The following FBXO31 variants were observed in gnomAD, a reference collection of about 807,000 sequenced individuals.
FBXO31 encodes the protein F-box only protein 31.
Under a neutral mutation model 54.4 loss-of-function variants are expected in FBXO31, and 24 were observed. The ratio of observed to expected loss-of-function variants is 0.44; its 90% CI spans 0.32 to 0.62. The LOEUF (loss-of-function observed/expected upper bound fraction) is 0.62, where lower values mean the gene tolerates loss of function less well. FBXO31 is among the 20% of genes least tolerant of loss of function. The pLI is 0.05. For synonymous variants in FBXO31, 388 were observed against 335.6 expected (o/e 1.16, Z -1.71); for missense variants, 665 against 787.1 (o/e 0.84, Z 1.86).
chr16:87,384,343 G>A (rs1272917572), upstream of FBXO31: 1 of 152,266 alleles, frequency 6.6e-6, no homozygotes, highest in Non-Finnish European at 1.5e-5. Context: ...GAGCTGCGGA[G>A]CTCTGCAGGG....
chr16:87,387,668 G>A (rs1276989401), upstream of FBXO31, among the ~76,000 whole-genome samples: 3 of 152,190 alleles, frequency 2.0e-5, no homozygotes, highest in Non-Finnish European at 4.4e-5. Context: ...TTAGCTGGGC[G>A]TGTTGGCGGG....
Position 87,333,869 on chromosome 16 carries a change from A to G in FBXO31, c.1397+17T>C. On this transcript the variant is annotated intron_variant, in intron 8 of 8. Coordinates refer to ENST00000311635, the MANE Select transcript of FBXO31 (RefSeq NM_024735.5). ...TGCTGTCCCACCTTCAGGCCCCAGT[A>G]CCCGCCGCATCCTTACCACATCCTG... 6.3e-7 allele frequency: 1 copy of G among 1,577,552 alleles called. No individual in the cohort carries two copies. The highest frequency in any genetic ancestry group is 1.2e-5 in the South Asian group (1 of 86,070).
intron 1 of FBXO31, among the ~76,000 whole-genome samples, chr16:87,360,747 G>C (rs1906095641): frequency 6.6e-6 from 1 of 152,228 alleles, no homozygotes; most frequent in South Asian, 2.1e-4. Context: ...ACTGGTGTTA[G>C]GGTTCAGACA....
intron 1 of FBXO31, among the ~76,000 whole-genome samples, chr16:87,373,772 C>T (rs944288334): frequency 6.6e-6 from 1 of 152,190 alleles, no homozygotes; most frequent in African/African-American, 2.4e-5. Context: ...CCACGTTTAA[C>T]CAAAGCCATA....
At chr16:87,370,533 C>T (rs1482966079) in intron 1 of FBXO31, among the ~76,000 whole-genome samples, 1 of 152,194 alleles carries the variant, frequency 6.6e-6, no homozygotes, top group African/African-American at 2.4e-5. Context: ...GGTAGGGCTG[C>T]GCCAGCCACC....
chr16:87,351,999 C>T (rs922280344), intron 2 of FBXO31, among the ~76,000 whole-genome samples: 115 of 152,326 alleles, frequency 7.5e-4, no homozygotes, highest in Middle Eastern at 3.4e-3. Context: ...CCAGGCTCCA[C>T]AGCAGCCAAG....
chr16:87,347,323 G>C, intron 2 of FBXO31, 73 bp from the exon 3 acceptor site: 1 of 1,298,038 alleles, frequency 7.7e-7, no homozygotes, highest in Admixed American at 1.7e-5. Context: ...AACCCCGAGA[G>C]GGAGGAAGGA....
intron 1 of FBXO31, among the ~76,000 whole-genome samples, chr16:87,370,314 G>C (rs1242904545): frequency 6.6e-6 from 1 of 152,210 alleles, no homozygotes; most frequent in African/African-American, 2.4e-5. Context: ...GGGACACACA[G>C]AGTCACTATT....
intron 2 of FBXO31, among the ~76,000 whole-genome samples, chr16:87,355,321 A>G (rs1905844271): frequency 6.6e-6 from 1 of 152,252 alleles, no homozygotes; most frequent in African/African-American, 2.4e-5. Flanking sequence ...TCAGAAGCCA[A>G]TCAGGGCAGA....
intron 1 of FBXO31, among the ~76,000 whole-genome samples, chr16:87,380,383 C>T (rs1907024993): frequency 6.6e-6 from 1 of 151,284 alleles, no homozygotes; most frequent in Non-Finnish European, 1.5e-5. Context: ...CGGAAATATG[C>T]CTGGTTCATC....
In FBXO31 at chr16:87,346,953, A is replaced by C. The variant is rs1338706750; in HGVS notation, c.489+221T>G. Among the ~76,000 whole-genome samples, 1 of 152,268 alleles carries C rather than the reference A, an allele frequency of 6.6e-6. No homozygotes were observed. Among genetic ancestry groups the C allele is most frequent in the Non-Finnish European group, 1.5e-5 (1 of 68,046 alleles). ...CCACCCCCTCAGACCAGAGAGTCCA[A>C]GGACGGGCCACAAGGCCGAAGTGTT... On this transcript the variant is annotated intron_variant, in intron 3 of 8. Coordinates refer to ENST00000311635, the MANE Select transcript of FBXO31 (RefSeq NM_024735.5). The surrounding 1 kb of genome is among the most constrained non-coding windows in gnomAD (Gnocchi z 4.2).
chr16:87,340,070 G>A (rs1204450138), intron 5 of FBXO31, among the ~76,000 whole-genome samples: 1 of 152,154 alleles, frequency 6.6e-6, no homozygotes, highest in Non-Finnish European at 1.5e-5. Context: ...ATCACCTGAG[G>A]TCAGGAGTTC....
chr16:87,378,787 C>G (rs1334809650), intron 1 of FBXO31, among the ~76,000 whole-genome samples: 10 of 152,022 alleles, frequency 6.6e-5, no homozygotes, highest in Non-Finnish European at 1.5e-5. Flanking sequence ...CGGTGAAACC[C>G]CGTCTCTACT....
At chr16:87,349,338 A>G (rs560602881) in intron 2 of FBXO31, among the ~76,000 whole-genome samples, 1 of 152,246 alleles carries the variant, frequency 6.6e-6, no homozygotes, top group Non-Finnish European at 1.5e-5. Context: ...CGGAAGCCCC[A>G]GTGGCAGCTG....
chr16:87,385,011 C>T (rs1005687039), upstream of FBXO31, among the ~76,000 whole-genome samples: 1 of 126,114 alleles, frequency 7.9e-6, no homozygotes, highest in Non-Finnish European at 1.8e-5. Flanking sequence ...CCTGTCTCTT[C>T]AAACAAACAA....
chr16:87,369,554 C>CTG (rs1400329734), intron 1 of FBXO31, among the ~76,000 whole-genome samples: 1 of 152,224 alleles, frequency 6.6e-6, no homozygotes, highest in Non-Finnish European at 1.5e-5. Flanking sequence ...AGGGACCACG[C>CTG]TGTGTTCATC....
chr16:87,379,379 G>T (rs992446961), intron 1 of FBXO31, among the ~76,000 whole-genome samples: 9 of 152,200 alleles, frequency 5.9e-5, no homozygotes, highest in African/African-American at 2.2e-4. Flanking sequence ...AGGGCATGGG[G>T]TAGGTACAAG....
chr16:87,374,183 C>G (rs762051757), intron 1 of FBXO31, among the ~76,000 whole-genome samples: 54 of 151,420 alleles, frequency 3.6e-4, no homozygotes, highest in Non-Finnish European at 6.5e-4. Context: ...TCAAAGTTGC[C>G]GTGAGCCATG....
chr16:87,387,159 G>T (rs1297754809), upstream of FBXO31, among the ~76,000 whole-genome samples: 3 of 151,894 alleles, frequency 2.0e-5, no homozygotes, highest in Non-Finnish European at 1.5e-5. Context: ...AGAAAAGAAT[G>T]ACCGTGAGCG....
Sources: allele counts gnomAD v4.1 joint callset (sites outside exome capture counted in the v4.1 genomes callset), GRCh38; gene constraint gnomAD v4.1.1; non-coding constraint Gnocchi (gnomAD v3.1); transcripts MANE v1.5; gene names NCBI Gene and HGNC (gene_info 2026-07-23, HGNC 2026-07-21).